MEMO1: variants seen among roughly 807,000 people sequenced by gnomAD.
MEMO1 encodes the protein protein MEMO1.
Under a neutral mutation model 45.2 loss-of-function variants are expected in MEMO1, and 6 were observed. The observed-to-expected ratio is 0.13, with a 90% CI of 0.07 to 0.26. The LOEUF is 0.26. MEMO1 is among the 10% of genes least tolerant of loss of function. The pLI, the probability that MEMO1 is intolerant of heterozygous loss-of-function variation, is 1.00. For synonymous variants in MEMO1, 78 were observed against 124.3 expected, an observed-to-expected ratio of 0.63 and a Z score of 2.48; for missense variants, 184 against 370.5, an observed-to-expected ratio of 0.50 and a Z score of 4.13.
chr2:32,004,845 T>C (rs935515273), intron 2 of MEMO1, among the ~76,000 whole-genome samples: 3 of 151,524 alleles, frequency 2.0e-5, no homozygotes, highest in Non-Finnish European at 4.4e-5. Context: ...GAGAACTGCT[T>C]GAACCCGGGA....
chr2:31,967,015 T>C (rs1307552816), intron 2 of MEMO1, among the ~76,000 whole-genome samples: 1 of 152,120 alleles, frequency 6.6e-6, no homozygotes, highest in African/African-American at 2.4e-5. Context: ...GAAATAGTAA[T>C]CCATACTAAA....
intron 2 of MEMO1, among the ~76,000 whole-genome samples, chr2:32,002,527 T>A (rs952874138): frequency 6.6e-6 from 1 of 151,904 alleles, no homozygotes; most frequent in Non-Finnish European, 1.5e-5. Flanking sequence ...GGGCAGCATA[T>A]TTTCCCATAC....
At chr2:31,894,021 A>G (rs140723768) in intron 6 of MEMO1, among the ~76,000 whole-genome samples, 1 of 152,224 alleles carries the variant, frequency 6.6e-6, no homozygotes, top group Non-Finnish European at 1.5e-5. Context: ...TTGAAATGTA[A>G]TACTACTAGG....
At chr2:31,922,409 A>G (rs987486737) in intron 4 of MEMO1, among the ~76,000 whole-genome samples, 3 of 152,030 alleles carry the variant, frequency 2.0e-5, no homozygotes, top group Non-Finnish European at 4.4e-5. Context: ...AACCTCCTTA[A>G]GACAGCACAT....
intron 8 of MEMO1, among the ~76,000 whole-genome samples, chr2:31,872,438 G>T (rs1271668996): frequency 6.6e-6 from 1 of 152,122 alleles, no homozygotes; most frequent in South Asian, 2.1e-4. Context: ...GTGACACTGA[G>T]ATTCTAATGT....
intron 2 of MEMO1, among the ~76,000 whole-genome samples, chr2:31,946,601 C>G (rs1275279259): frequency 1.3e-5 from 2 of 152,140 alleles, no homozygotes; most frequent in Non-Finnish European, 2.9e-5. Flanking sequence ...GTGGCTCATG[C>G]CTGTAATCCC....
intron 6 of MEMO1, among the ~76,000 whole-genome samples, chr2:31,910,627 A>C (rs1436489635): frequency 6.6e-6 from 1 of 152,174 alleles, no homozygotes; most frequent in Non-Finnish European, 1.5e-5. Context: ...TGGGAGGACA[A>C]GACAGGAGGA....
chr2:31,933,661 A>G (rs1664570864), intron 3 of MEMO1, among the ~76,000 whole-genome samples: 1 of 151,986 alleles, frequency 6.6e-6, no homozygotes, highest in African/African-American at 2.4e-5. Flanking sequence ...CTACAGCAAT[A>G]CAAGATAGTA....
intron 2 of MEMO1, among the ~76,000 whole-genome samples, chr2:31,965,299 A>AGGAGGGAAGGAGGGATGGAG (rs1668486251): frequency 6.8e-6 from 1 of 147,324 alleles, no homozygotes; most frequent in South Asian, 2.2e-4. Context: ...GAAGAAGGGA[A>AGGAGGGAAGGAGGGATGGAG]GGAGGGAAGG....
chr2:32,001,440 T>C (rs12992443), intron 2 of MEMO1, among the ~76,000 whole-genome samples: 1 of 152,112 alleles, frequency 6.6e-6, no homozygotes, highest in East Asian at 1.9e-4. Flanking sequence ...ATTTATATTA[T>C]ACTAAGCATT....
chr2:31,978,791 G>A (rs1670307243), intron 2 of MEMO1, among the ~76,000 whole-genome samples: 1 of 152,108 alleles, frequency 6.6e-6, no homozygotes, highest in South Asian at 2.1e-4. Context: ...TTGTTATTCA[G>A]TATCTTTTTT....
At chr2:31,914,980 A>AG (rs1357572555) in intron 6 of MEMO1, among the ~76,000 whole-genome samples, 5 of 150,796 alleles carry the variant, frequency 3.3e-5, no homozygotes, top group Non-Finnish European at 7.4e-5. Flanking sequence ...AAAAAAAAAA[A>AG]AAGAGGCCAG....
chr2:31,966,294 A>G (rs1028365805), intron 2 of MEMO1, among the ~76,000 whole-genome samples: 4 of 152,130 alleles, frequency 2.6e-5, no homozygotes, highest in African/African-American at 9.7e-5. Context: ...GATGAACAGA[A>G]TTTTACTAAG....
chr2:31,908,366 T>TA (rs199678278), intron 6 of MEMO1, among the ~76,000 whole-genome samples: 1,606 of 151,152 alleles, frequency 0.011, 18 homozygotes, highest in African/African-American at 0.037. Flanking sequence ...ATGGTGAGAG[T>TA]AAAAAAAACA....
intron 3 of MEMO1, among the ~76,000 whole-genome samples, chr2:31,935,794 C>T (rs766863061): frequency 3.3e-5 from 5 of 151,998 alleles, no homozygotes; most frequent in Non-Finnish European, 5.9e-5. Flanking sequence ...GTGGAAACAA[C>T]GTTTTATCAA....
chr2:31,929,276 AG>A (rs750578008), intron 4 of MEMO1, among the ~76,000 whole-genome samples: 6 of 151,964 alleles, frequency 3.9e-5, no homozygotes, highest in Non-Finnish European at 7.4e-5. Context: ...TTAGCCTCTA[AG>A]TACTATGATT....
At chr2:31,948,239 G>A (rs1309257999) in intron 2 of MEMO1, among the ~76,000 whole-genome samples, 1 of 152,220 alleles carries the variant, frequency 6.6e-6, no homozygotes, top group Non-Finnish European at 1.5e-5. Flanking sequence ...ACCAGGACAA[G>A]CTGGTAAGAG....
intron 6 of MEMO1, among the ~76,000 whole-genome samples, chr2:31,899,362 G>C (rs920664845): frequency 6.6e-6 from 1 of 152,044 alleles, no homozygotes; most frequent in Non-Finnish European, 1.5e-5. Context: ...ACAGAACAGA[G>C]GCCTCAGAAA....
chr2:31,914,709 C>T (rs1681154774), intron 6 of MEMO1, among the ~76,000 whole-genome samples: 1 of 151,958 alleles, frequency 6.6e-6, no homozygotes, highest in Non-Finnish European at 1.5e-5. Flanking sequence ...TAAGACATTA[C>T]TTGGGAGGCT....
Sources: allele counts gnomAD v4.1 joint callset (sites outside exome capture counted in the v4.1 genomes callset), GRCh38; gene constraint gnomAD v4.1.1; transcripts MANE v1.5; gene names NCBI Gene and HGNC (gene_info 2026-07-23, HGNC 2026-07-21).